Variants in NFIB observed in about 807,000 individuals in gnomAD.
NFIB encodes nuclear factor 1 B-type.
Under a neutral mutation model 61.5 loss-of-function variants are expected in NFIB, and 11 were observed. That is an observed-to-expected ratio of 0.18 (90% confidence interval 0.11 to 0.30). The LOEUF is 0.30. NFIB is among the 10% of genes least tolerant of loss of function. The pLI is 1.00. For missense variants in NFIB, 471 were observed against 608.9 expected (o/e 0.77, Z 2.38); for synonymous variants, 260 against 216.5 (o/e 1.20, Z -1.76).
chr9:14,401,840 T>C (rs1480904490), upstream of NFIB, among the ~76,000 whole-genome samples: 1 of 152,186 alleles, frequency 6.6e-6, no homozygotes, highest in Non-Finnish European at 1.5e-5. Flanking sequence ...GAACAATCCC[T>C]AATGTGCTTC....
chr9:14,188,406 C>T (rs1303966627), intron 2 of NFIB, among the ~76,000 whole-genome samples: 1 of 152,048 alleles, frequency 6.6e-6, no homozygotes, highest in East Asian at 1.9e-4. Flanking sequence ...GGCAAGGGTG[C>T]TAATGTAGAG....
chr9:14,252,279 GA>G (rs1252444037), intron 2 of NFIB, among the ~76,000 whole-genome samples: 1 of 152,004 alleles, frequency 6.6e-6, no homozygotes, highest in Non-Finnish European at 1.5e-5. Flanking sequence ...TAAAAACCTT[GA>G]AATATTTTTA....
the NFIB span, among the ~76,000 whole-genome samples, chr9:14,452,208 C>G: frequency 6.6e-6 from 1 of 152,072 alleles, no homozygotes; most frequent in African/African-American, 2.4e-5. Flanking sequence ...AGAGGTAACA[C>G]ACGGAGGGGT....
intron 2 of NFIB, among the ~76,000 whole-genome samples, chr9:14,184,260 G>GA (rs1355422438): frequency 6.6e-6 from 1 of 152,194 alleles, no homozygotes; most frequent in Non-Finnish European, 1.5e-5. Context: ...GAATCGTTAT[G>GA]ATGCAATCCT....
intron 2 of NFIB, among the ~76,000 whole-genome samples, chr9:14,265,611 T>C (rs1297016221): frequency 2.6e-5 from 4 of 152,206 alleles, no homozygotes; most frequent in African/African-American, 9.7e-5. Context: ...CTATAGTATT[T>C]TGTTATGGCA....
intron 2 of NFIB, among the ~76,000 whole-genome samples, chr9:14,294,004 T>C (rs576204095): frequency 6.6e-6 from 1 of 152,364 alleles, no homozygotes; most frequent in South Asian, 2.1e-4. Flanking sequence ...TGTCCTCCCA[T>C]GAACTCATCT....
intron 1 of NFIB, among the ~76,000 whole-genome samples, chr9:14,384,666 G>T (rs1199342630): frequency 6.6e-6 from 1 of 152,086 alleles, no homozygotes; most frequent in Non-Finnish European, 1.5e-5. Context: ...TCTTCTGGTT[G>T]ATGATATGAT....
At chr9:14,456,246 T>C in the NFIB span, among the ~76,000 whole-genome samples, 1 of 151,640 alleles carries the variant, frequency 6.6e-6, no homozygotes, top group South Asian at 2.1e-4. Context: ...TGAAAGTGAA[T>C]ATCACTTGGC....
the NFIB span, among the ~76,000 whole-genome samples, chr9:14,492,931 C>A: frequency 6.6e-6 from 1 of 152,190 alleles, no homozygotes; most frequent in Non-Finnish European, 1.5e-5. Context: ...GTAAACTAAC[C>A]TCTCTGAGCT....
chr9:14,313,149 C>G lies in NFIB; in HGVS notation c.30+333G>C, dbSNP rs1273814654. Among the ~76,000 whole-genome samples, 1 of 152,200 alleles carries G rather than the reference C, an allele frequency of 6.6e-6. No homozygotes were observed. Among genetic ancestry groups the G allele is most frequent in the Non-Finnish European group, 1.5e-5 (1 of 68,026 alleles). On this transcript the variant is annotated intron_variant, in intron 1 of 10. Coordinates refer to ENST00000380953, the MANE Select transcript of NFIB (RefSeq NM_001190737.2). This position sits in a 1 kb window ranked among gnomAD's most constrained non-coding sequence, Gnocchi z 4.5. ...CTGCTGAGAGGGGCTACGGGCACCC[C>G]GGGCGGGGATGCCGCACCACAACGG...
intron 2 of NFIB, among the ~76,000 whole-genome samples, chr9:14,206,350 G>T (rs1265631569): frequency 6.6e-6 from 1 of 151,526 alleles, no homozygotes; most frequent in Non-Finnish European, 1.5e-5. Flanking sequence ...TGTATTTTTG[G>T]TAGAGACAGG....
At chr9:14,454,059 C>T in the NFIB span, among the ~76,000 whole-genome samples, 3 of 151,564 alleles carry the variant, frequency 2.0e-5, no homozygotes, top group Non-Finnish European at 4.4e-5. Flanking sequence ...CAGAGCAAGA[C>T]TCCGTTTCAA....
In NFIB at chr9:14,186,914, G is replaced by C. The variant is rs747626004; in HGVS notation, c.563-7134C>G. ...TTAAAATAAGACAACGAAAGAACAT[G>C]GGAAAACTGAGTGTTTTCCTTGCCT... On this transcript the variant is annotated intron_variant, in intron 2 of 10. Transcript: ENST00000380953. Among the ~76,000 whole-genome samples the C allele has an allele frequency of 2.0e-5, 3 of 152,046 alleles. No homozygotes were observed. In the East Asian group the frequency reaches 5.8e-4, roughly 29 times the overall value.
the NFIB span, among the ~76,000 whole-genome samples, chr9:14,448,570 G>C: frequency 6.6e-6 from 1 of 152,158 alleles, no homozygotes; most frequent in African/African-American, 2.4e-5. Context: ...GTCTATCAAA[G>C]GATTTTAATG....
At chr9:14,473,414 C>G in the NFIB span, among the ~76,000 whole-genome samples, 8 of 136,952 alleles carry the variant, frequency 5.8e-5, no homozygotes. Context: ...GTTCCCAGTT[C>G]TGTAGAAAAG....
chr9:14,416,121 T>C, the NFIB span, among the ~76,000 whole-genome samples: 2 of 152,170 alleles, frequency 1.3e-5, no homozygotes, highest in Non-Finnish European at 2.9e-5. Flanking sequence ...AAACAAGCTA[T>C]AAAACAAAGC....
chr9:14,124,091 C>T (rs1395978563), intron 7 of NFIB, among the ~76,000 whole-genome samples: 2 of 152,162 alleles, frequency 1.3e-5, no homozygotes, highest in East Asian at 1.9e-4. Context: ...TCTTTCTGAA[C>T]AAGATGCCTA....
intron 10 of NFIB, among the ~76,000 whole-genome samples, chr9:14,091,427 T>C (rs1347111438): frequency 2.0e-5 from 3 of 151,996 alleles, no homozygotes. Flanking sequence ...TATATAAAAA[T>C]CAATAATCAC....
At chr9:14,278,993 T>C (rs1057070431) in intron 2 of NFIB, among the ~76,000 whole-genome samples, 1 of 152,144 alleles carries the variant, frequency 6.6e-6, no homozygotes, top group Non-Finnish European at 1.5e-5. Flanking sequence ...GTGTTAAAAA[T>C]AAGGTGTTTC....
Sources: gnomAD v4.1 joint callset for allele counts (sites outside exome capture counted in the v4.1 genomes callset) on GRCh38, gnomAD v4.1.1 for gene constraint, Gnocchi (gnomAD v3.1) non-coding constraint, MANE v1.5 for transcripts, NCBI Gene and HGNC (gene_info 2026-07-23, HGNC 2026-07-21) for gene names.